TRIM49B: variants seen among roughly 807,000 people sequenced by gnomAD.
TRIM49B encodes the protein tripartite motif containing 49B.
TRIM49B carries 18 observed loss-of-function variants against 31.8 expected under a neutral mutation model. The ratio of observed to expected loss-of-function variants is 0.57; its 90% CI spans 0.39 to 0.84. The LOEUF (loss-of-function observed/expected upper bound fraction) is 0.84. Ranked by LOEUF, TRIM49B falls within the 40% of genes least tolerant of loss-of-function variation. TRIM49B has a pLI of 0.00. For synonymous variants in TRIM49B, 196 were observed against 180.6 expected (o/e 1.09, Z -0.68); for missense variants, 494 against 538.7 (o/e 0.92, Z 0.82).
rs980310964 is a variant in TRIM49B at position 49,037,954 on chromosome 11, A to G, written c.1336A>G (p.Ile446Val). The change falls in exon 7 of 7, where the codon ATC becomes GTC. Residue 446 changes from isoleucine to valine, a missense_variant. By Grantham distance (29) the Ile-to-Val change is conservative. Coordinates refer to ENST00000332682, the MANE Select transcript of TRIM49B (RefSeq NM_001206626.2). The part of the protein sequence containing the change: ...NCSFSPPLRP[I>V]FCCIHF ...CTCTTTCTCACCTCCTCTCAGGCCT[A>G]TCTTTTGCTGTATTCACTTCTGACC... 8 of 1,611,794 alleles carry G rather than the reference A, an allele frequency of 5.0e-6. No individual in the cohort carries two copies. Among genetic ancestry groups the G allele is most frequent in the South Asian group, 2.2e-5 (2 of 90,968 alleles).
chr11:49,034,951 G>T (rs1854501564), intron 4 of TRIM49B, 144 bp from the exon 5 acceptor site: 1 of 1,435,840 alleles, frequency 7.0e-7, no homozygotes, highest in South Asian at 1.3e-5. Context: ...CATTACAGAA[G>T]AAATGAAATA....
intron 3 of TRIM49B, among the ~76,000 whole-genome samples, chr11:49,033,852 A>G (rs943696134): frequency 6.6e-6 from 1 of 152,088 alleles, no homozygotes; most frequent in Non-Finnish European, 1.5e-5. Context: ...TTAAGCATGA[A>G]CTCTTCTTAC....
intron 1 of TRIM49B, among the ~76,000 whole-genome samples, chr11:49,029,570 A>T (rs1412143492): frequency 2.0e-5 from 3 of 152,250 alleles, no homozygotes; most frequent in African/African-American, 7.2e-5. Flanking sequence ...AAAATGTCTT[A>T]GATGAGTTCT....
chr11:49,034,843 T>C (rs1420067658), intron 4 of TRIM49B, among the ~76,000 whole-genome samples: 2 of 152,188 alleles, frequency 1.3e-5, no homozygotes. Context: ...AGCATAGACC[T>C]TCTGGGCCTC....
intron 5 of TRIM49B, among the ~76,000 whole-genome samples, chr11:49,036,036 A>G (rs1331183183): frequency 1.3e-5 from 2 of 150,842 alleles, no homozygotes; most frequent in African/African-American, 4.9e-5. Flanking sequence ...TCGTTTCTAA[A>G]TATTCTCAAG....
chr11:49,032,912 A>G (rs1431047408), intron 3 of TRIM49B, among the ~76,000 whole-genome samples: 1 of 152,200 alleles, frequency 6.6e-6, no homozygotes, highest in Non-Finnish European at 1.5e-5. Flanking sequence ...AAGTGGTGAG[A>G]AATACGGATT....
chr11:49,034,507 C>T, intron 4 of TRIM49B, 131 bp downstream of exon 4: 1 of 1,588,508 alleles, frequency 6.3e-7, no homozygotes, highest in Non-Finnish European at 8.6e-7. Flanking sequence ...ATAACTAATG[C>T]TACTTTGTTG....
chr11:49,031,333 G>T (rs1317220607), intron 1 of TRIM49B, among the ~76,000 whole-genome samples: 2 of 152,160 alleles, frequency 1.3e-5, no homozygotes, highest in Non-Finnish European at 2.9e-5. Flanking sequence ...TCAGAAAATG[G>T]GTAGTTGAAT....
rs752926426 is a variant in TRIM49B, at chr11:49,037,711, A to C, written c.1093A>C (p.Lys365Gln). Reference protein sequence around the residue: ...FGVCNMYWKEKNQNEKIDGED... With the variant: ...FGVCNMYWKEQNQNEKIDGED... ...TGTCTGTAATATGTATTGGAAAGAG[A>C]AGAATCAGAATGAGAAGATAGATGG... The change falls in exon 7 of 7, where the codon AAG becomes CAG. Residue 365 changes from lysine (K) to glutamine (Q), a missense_variant. Lys to Gln is a moderately conservative substitution (Grantham distance 53). Transcript: ENST00000332682. 3 of 1,613,924 alleles carry C rather than the reference A, an allele frequency of 1.9e-6. No homozygotes were observed. The South Asian group carries it at 3.3e-5, about 18-fold the overall frequency.
intron 1 of TRIM49B, among the ~76,000 whole-genome samples, chr11:49,030,754 T>G (rs900211780): frequency 1.3e-5 from 2 of 152,146 alleles, no homozygotes; most frequent in Non-Finnish European, 1.5e-5. Context: ...CCCTAGGTAT[T>G]GGTTAATCCA....
chr11:49,037,788 T>C lies in TRIM49B; in HGVS notation c.1170T>C (p.Ser390=), dbSNP rs1239167085. 7.4e-6 allele frequency: 12 copies of C among 1,613,788 alleles called. No individual in the cohort carries two copies. Among genetic ancestry groups the C allele is most frequent in the Non-Finnish European group, 1.0e-5 (12 of 1,179,874 alleles). Residue 390 remains serine, a synonymous_variant, in exon 7 of 7, where the codon AGT becomes AGC. Transcript: ENST00000332682. ...LGCVKNDIQR[S]LFTTSPLLLQ... ...GTGTTAAGAATGACATTCAACGCAGTCTCTTTACCACCTCCCCACTTCTGC... is the reference window on the plus strand; with the variant it reads ...GTGTTAAGAATGACATTCAACGCAGCCTCTTTACCACCTCCCCACTTCTGC...
intron 1 of TRIM49B, 126 bp from the exon 2 acceptor site, chr11:49,031,470 A>G (rs571359065): frequency 1.3e-6 from 2 of 1,492,422 alleles, no homozygotes; most frequent in Non-Finnish European, 1.8e-6. Flanking sequence ...TAACAGAAGA[A>G]ATAGTTTGTT....
intron 5 of TRIM49B, 108 bp downstream of exon 5, chr11:49,035,225 T>C (rs984438767): frequency 3.0e-5 from 46 of 1,552,222 alleles, no homozygotes; most frequent in South Asian, 6.1e-5. Flanking sequence ...AATTAAGATA[T>C]TGATACCACT....
In TRIM49B at chr11:49,037,567, G is replaced by C. The variant is rs1854548374; in HGVS notation, c.949G>C (p.Asp317His). Residue 317 changes from aspartate (D) to histidine (H), a missense_variant, in exon 7 of 7, where the codon GAT becomes CAT. By Grantham distance (81) the Asp-to-His change is moderately conservative (BLOSUM62 -1). Coordinates refer to ENST00000332682, the MANE Select transcript of TRIM49B (RefSeq NM_001206626.2). ...RSMCIGCDHQ[D>H]VPYFTATPRS... ...CATGTGTATTGGATGTGACCATCAA[G>C]ATGTACCCTATTTCACTGCAACACC... 1.2e-6 allele frequency: 2 copies of C among 1,613,996 alleles called. No homozygotes were observed. Among genetic ancestry groups the C allele is most frequent in the African/African-American group, 2.7e-5 (2 of 74,904 alleles).
rs1210236467 is a variant in TRIM49B, at chr11:49,037,723, G to A, written c.1105G>A (p.Glu369Lys). The A allele has an allele frequency of 1.9e-6, 3 of 1,613,948 alleles. No individual in the cohort carries two copies. The highest frequency in any genetic ancestry group is 2.5e-6 in the Non-Finnish European group (3 of 1,179,858). The change falls in exon 7 of 7, where the codon GAG (glutamate) becomes AAG (lysine). Residue 369 changes from glutamate to lysine, a missense_variant. Physicochemically the swap from Glu to Lys is moderately conservative, Grantham distance 56. This residue lies in a region of TRIM49B where 233 missense variants were observed against 281.4 expected (regional missense o/e 0.83). Coordinates refer to ENST00000332682, the MANE Select transcript of TRIM49B (RefSeq NM_001206626.2). ...GTATTGGAAAGAGAAGAATCAGAAT[G>A]AGAAGATAGATGGAGAGGATGGACT... The part of the protein sequence containing the change: ...NMYWKEKNQN[E>K]KIDGEDGLFL...
At chr11:49,034,969 C>A (rs1291062639) in intron 4 of TRIM49B, 126 bp from the exon 5 acceptor site, 1 of 1,494,910 alleles carries the variant, frequency 6.7e-7, no homozygotes, top group African/African-American at 1.4e-5. Flanking sequence ...ATAGAAAATA[C>A]TTTCCAGAAG....
intron 3 of TRIM49B, among the ~76,000 whole-genome samples, chr11:49,033,332 T>A (rs1854477568): frequency 6.6e-6 from 1 of 151,858 alleles, no homozygotes; most frequent in African/African-American, 2.4e-5. Flanking sequence ...TTAAATAGGG[T>A]GGTCAGAAAA....
intron 4 of TRIM49B, 102 bp downstream of exon 4, chr11:49,034,478 T>C (rs1232939610): frequency 1.1e-5 from 18 of 1,608,460 alleles, no homozygotes; most frequent in Non-Finnish European, 1.4e-5. Flanking sequence ...CCATGATGTG[T>C]TTCCAAAAAC....
chr11:49,035,910 A>T (rs1854523435), intron 5 of TRIM49B, among the ~76,000 whole-genome samples: 1 of 152,174 alleles, frequency 6.6e-6, no homozygotes, highest in Admixed American at 6.5e-5. Flanking sequence ...AGGGGAGAGA[A>T]CAAGTTTCCA....
Sources: gnomAD v4.1 joint callset for allele counts (sites outside exome capture counted in the v4.1 genomes callset) on GRCh38, gnomAD v4.1.1 for gene constraint, gnomAD v4.1.1 regional missense constraint, MANE v1.5 for transcripts, NCBI Gene and HGNC (gene_info 2026-07-23, HGNC 2026-07-21) for gene names.